ODC1: variants seen among roughly 807,000 people sequenced by gnomAD.
ODC1 encodes ornithine decarboxylase.
ODC1 carries 18 observed loss-of-function variants against 41.5 expected under a neutral mutation model. The ratio of observed to expected loss-of-function variants is 0.43; its 90% CI spans 0.30 to 0.64. The LOEUF (loss-of-function observed/expected upper bound fraction) is 0.64, where lower values mean the gene tolerates loss of function less well. Ranked by LOEUF, ODC1 falls within the 30% of genes least tolerant of loss-of-function variation. The pLI, the probability that ODC1 is intolerant of heterozygous loss-of-function variation, is 0.11. For synonymous variants in ODC1, 218 were observed against 211.6 expected, an observed-to-expected ratio of 1.03 and a Z score of -0.26; for missense variants, 504 against 589.0, an observed-to-expected ratio of 0.86 and a Z score of 1.49.
At chr2:10,445,958 A>G (rs1260085620) in intron 1 of ODC1, among the ~76,000 whole-genome samples, 1 of 152,120 alleles carries the variant, frequency 6.6e-6, no homozygotes. Flanking sequence ...TACTTCCACT[A>G]AGTCTTAGAA....
intron 1 of ODC1, chr2:10,447,912 A>G (rs1250572225): frequency 1.3e-5 from 2 of 152,194 alleles, no homozygotes; most frequent in Non-Finnish European, 2.9e-5. Flanking sequence ...ACGGGGGCAG[A>G]ACGAGGCGCC....
intron 8 of ODC1, 28 bp from the exon 9 acceptor site, chr2:10,442,202 G>T (rs771929864): frequency 1.3e-6 from 2 of 1,572,414 alleles, no homozygotes; most frequent in Non-Finnish European, 1.7e-6. Flanking sequence ...AAAAGAAAGA[G>T]CAGCCTTCAT....
intron 4 of ODC1, 90 bp from the exon 5 acceptor site, chr2:10,444,357 CG>C: frequency 1.3e-6 from 2 of 1,507,174 alleles, no homozygotes; most frequent in South Asian, 2.6e-5. Flanking sequence ...TGTACCCCCC[CG>C]CCCCATTTGC....
Position 10,442,017 on chromosome 2 carries a change from G to A in ODC1, c.908C>T (p.Ser303Phe). 3 of 1,613,592 alleles carry A rather than the reference G, an allele frequency of 1.9e-6. No homozygotes were observed. The highest frequency in any genetic ancestry group is 2.5e-6 in the Non-Finnish European group (3 of 1,179,650). ...GATTCGTCCTTTATACATACCATCA[G>A]AGCCCGTCTGTTCCTTTAATACAAT... ...KKIVLKEQTGSDDEDESSEQT... is the reference protein window; with the variant it reads ...KKIVLKEQTGFDDEDESSEQT... The change falls in exon 9 of 12, where the codon TCT (serine) becomes TTT (phenylalanine). Residue 303 changes from serine to phenylalanine, a missense_variant. This residue lies in a region of ODC1 where 447 missense variants were observed against 524.4 expected (regional missense o/e 0.85). Coordinates refer to ENST00000234111, the MANE Select transcript of ODC1 (RefSeq NM_002539.3).
intron 1 of ODC1, among the ~76,000 whole-genome samples, chr2:10,446,547 G>C (rs1672020863): frequency 6.6e-6 from 1 of 152,196 alleles, no homozygotes; most frequent in Non-Finnish European, 1.5e-5. Context: ...AGAATAATTT[G>C]GGGCTAACTT....
In ODC1 at chr2:10,441,889, C is replaced by T; in HGVS notation, c.954G>A (p.Val318=). ...TAAATGATCCATAGACGCCATCATT[C>T]ACATAATACATAAAGGTCTGCTCAC... is the stretch of plus-strand genomic sequence containing the variant. ...ESSEQTFMYY[V]NDGVYGSFNC... Residue 318 remains valine, a synonymous_variant, in exon 10 of 12, where the codon GTG becomes GTA. Coordinates refer to ENST00000234111, the MANE Select transcript of ODC1 (RefSeq NM_002539.3). 6.2e-7 allele frequency: 1 copy of T among 1,614,150 alleles called. No homozygotes were observed. The highest frequency in any genetic ancestry group is 8.5e-7 in the Non-Finnish European group (1 of 1,180,028).
rs890610512 is a variant in ODC1 at position 10,446,438 on chromosome 2, C to T, written c.-127-1174G>A. On this transcript the variant is annotated intron_variant, in intron 1 of 11. Transcript: ENST00000234111. ...TACAGGCGTGAGCCACCACGCCCGGCTAGAACTCAGTATTCTTAAACCAGC... is the reference window on the plus strand; with the variant it reads ...TACAGGCGTGAGCCACCACGCCCGGTTAGAACTCAGTATTCTTAAACCAGC... Among the ~76,000 whole-genome samples, 6 of 152,354 alleles carry T rather than the reference C, an allele frequency of 3.9e-5. No individual in the cohort carries two copies. In the East Asian group the frequency reaches 9.6e-4, roughly 24 times the overall value.
At chr2:10,443,125 A>G in intron 8 of ODC1, 105 bp downstream of exon 8, 2 of 836,316 alleles carry the variant, frequency 2.4e-6, no homozygotes, top group Non-Finnish European at 2.0e-6. Context: ...ACACCAAGAC[A>G]CTTCAGCCCA....
At position 10,444,999 on chromosome 2, in the gene ODC1, G is replaced by A. The variant is rs752947824; in HGVS notation, c.34C>T (p.His12Tyr). The change falls in exon 3 of 12, where the codon CAC (histidine) becomes TAC (tyrosine). Residue 12 changes from histidine (H) to tyrosine (Y), a missense_variant. His to Tyr is a moderately conservative substitution (Grantham distance 83). This residue lies in a region of ODC1 where 53 missense variants were observed against 46.3 expected (regional missense o/e 1.14). Coordinates refer to ENST00000234111, the MANE Select transcript of ODC1 (RefSeq NM_002539.3). ...GCAGTAAAACCTTCATCGAGGAAGT[G>A]GCAGTCAAACTCTTCATTACCAAAG... ...NNFGNEEFDCHFLDEGFTAKD... is the reference protein window; with the variant it reads ...NNFGNEEFDCYFLDEGFTAKD... The A allele has an allele frequency of 1.4e-5, 23 of 1,613,562 alleles. No individual in the cohort carries two copies. The highest frequency in any genetic ancestry group is 2.7e-5 in the African/African-American group (2 of 74,912).
At chr2:10,444,826 A>C in intron 3 of ODC1, 105 bp downstream of exon 3, 1 of 898,500 alleles carries the variant, frequency 1.1e-6, no homozygotes, top group Non-Finnish European at 1.8e-6. Context: ...TCTACATTCC[A>C]TAACAAGACA....
In ODC1 at chr2:10,441,553, G is replaced by C; in HGVS notation, c.1197C>G (p.Gly399=). The C allele has an allele frequency of 6.2e-7, 1 of 1,614,174 alleles. No homozygotes were observed. Among genetic ancestry groups the C allele is most frequent in the Non-Finnish European group, 8.5e-7 (1 of 1,180,034 alleles). The stretch of plus-strand genomic sequence containing the variant: ...CATAGTAGATCGTCGGCCTCTGGAA[G>C]CCATTGAACGTAGAGGCAGCAGCAA... ...YTVAAASTFN[G]FQRPTIYYVM... Residue 399 remains glycine, a synonymous_variant, in exon 11 of 12, where the codon GGC becomes GGG. Coordinates refer to ENST00000234111, the MANE Select transcript of ODC1 (RefSeq NM_002539.3).
At chr2:10,445,837 C>T (rs948640084) in intron 1 of ODC1, among the ~76,000 whole-genome samples, 2 of 152,004 alleles carry the variant, frequency 1.3e-5, no homozygotes, top group African/African-American at 2.4e-5. Flanking sequence ...GATTTCACCA[C>T]GTTGTCCAGG....
At chr2:10,444,295 T>G in intron 4 of ODC1, 28 bp from the exon 5 acceptor site, 1 of 1,555,112 alleles carries the variant, frequency 6.4e-7, no homozygotes, top group Non-Finnish European at 8.7e-7. Flanking sequence ...TGTCATGCTA[T>G]CCATATGTGG....
chr2:10,445,311 G>A, intron 1 of ODC1, 47 bp from the exon 2 acceptor site: 3 of 356,402 alleles, frequency 8.4e-6, no homozygotes, highest in South Asian at 4.9e-5. Context: ...GGAACACATC[G>A]AGTTGAAGAT....
chr2:10,446,013 T>C (rs954945367), intron 1 of ODC1, among the ~76,000 whole-genome samples: 1 of 152,238 alleles, frequency 6.6e-6, no homozygotes. Flanking sequence ...TCTGGAGCAT[T>C]TGAGATTTTA....
rs1671776055 is a variant in ODC1 at position 10,440,258 on chromosome 2, T to G, written c.*466A>C. On this transcript the variant is annotated 3_prime_UTR_variant, in exon 12 of 12. Coordinates refer to ENST00000234111, the MANE Select transcript of ODC1 (RefSeq NM_002539.3). The stretch of plus-strand genomic sequence containing the variant: ...CACCGTCCACATGGGAGGATGGGGC[T>G]TCCGTCTCACCTGTCCTCCTACCTG... 1 of 156,326 alleles carries G rather than the reference T, an allele frequency of 6.4e-6. No individual in the cohort carries two copies. The highest frequency in any genetic ancestry group is 6.3e-5 in the Admixed American group (1 of 15,826). The allele number at this position is 156,326 out of a possible 1,614,324, so 9.7% of individuals were successfully genotyped here.
chr2:10,444,963 G>T lies in ODC1; in HGVS notation c.70C>A (p.Leu24Met). Reference sequence around the variant, plus strand: ...GAAACTTCATTAATTTTCTGGTCCAGAATGTCCTTGGCAGTAAAACCTTCA... The same window carrying T: ...GAAACTTCATTAATTTTCTGGTCCATAATGTCCTTGGCAGTAAAACCTTCA... ...LDEGFTAKDILDQKINEVSSS... is the reference protein window; with the variant it reads ...LDEGFTAKDIMDQKINEVSSS... The change falls in exon 3 of 12, where the codon CTG becomes ATG. Residue 24 changes from leucine to methionine, a missense_variant. Around this residue, in one of 3 missense-constraint regions of ODC1, gnomAD observed 53 missense variants for 46.3 expected, o/e 1.14. Coordinates refer to ENST00000234111, the MANE Select transcript of ODC1 (RefSeq NM_002539.3). The T allele has an allele frequency of 6.2e-7, 1 of 1,613,470 alleles. No homozygotes were observed. Among genetic ancestry groups the T allele is most frequent in the Non-Finnish European group, 8.5e-7 (1 of 1,179,420 alleles).
Position 10,443,674 on chromosome 2 carries a change from A to G in ODC1, c.584+28T>C. The G allele has an allele frequency of 3.7e-6, 6 of 1,612,838 alleles. No homozygotes were observed. The South Asian group carries it at 6.6e-5, about 18-fold the overall frequency. Reference sequence around the variant, plus strand: ...AAAACTCAAACTGTTCAATGTCTTGACCTCTAGCTATCCCACCAAAATCTC... The same window carrying G: ...AAAACTCAAACTGTTCAATGTCTTGGCCTCTAGCTATCCCACCAAAATCTC... On this transcript the variant is annotated intron_variant, in intron 6 of 11. Coordinates refer to ENST00000234111, the MANE Select transcript of ODC1 (RefSeq NM_002539.3).
intron 1 of ODC1, 46 bp from the exon 2 acceptor site, chr2:10,445,310 C>G (rs537944076): frequency 3.7e-5 from 13 of 354,016 alleles, no homozygotes; most frequent in Admixed American, 1.7e-4. Context: ...AGGAACACAT[C>G]GAGTTGAAGA....
Sources: gnomAD v4.1 joint callset for allele counts (sites outside exome capture counted in the v4.1 genomes callset) on GRCh38, gnomAD v4.1.1 for gene constraint, gnomAD v4.1.1 regional missense constraint, MANE v1.5 for transcripts, NCBI Gene and HGNC (gene_info 2026-07-23, HGNC 2026-07-21) for gene names.